Variants in RAPGEF5 observed in about 807,000 individuals in gnomAD.
The protein encoded by RAPGEF5 is M-Ras-regulated GEF.
In RAPGEF5, 65 loss-of-function variants were observed where a neutral mutation model predicts 125.2. The observed-to-expected ratio is 0.52, with a 90% CI of 0.43 to 0.64. RAPGEF5 has a LOEUF of 0.64. RAPGEF5 is among the 30% of genes least tolerant of loss of function. RAPGEF5 has a pLI of 0.00. For synonymous variants in RAPGEF5, 391 were observed against 385.9 expected, an observed-to-expected ratio of 1.01 and a Z score of -0.16; for missense variants, 958 against 1,048.1, an observed-to-expected ratio of 0.91 and a Z score of 1.19.
intron 11 of RAPGEF5, among the ~76,000 whole-genome samples, chr7:22,180,775 A>G (rs974941630): frequency 1.3e-5 from 2 of 152,156 alleles, no homozygotes; most frequent in African/African-American, 4.8e-5. Flanking sequence ...GAGTGTTAAG[A>G]ATACTTAACA....
At chr7:22,243,382 G>A (rs1005827559) in intron 7 of RAPGEF5, among the ~76,000 whole-genome samples, 2 of 152,036 alleles carry the variant, frequency 1.3e-5, no homozygotes, top group Non-Finnish European at 2.9e-5. Flanking sequence ...TCAGCCTCCC[G>A]AGTAGCTGGG....
At chr7:22,279,830 A>G (rs1782634908) in intron 6 of RAPGEF5, among the ~76,000 whole-genome samples, 1 of 152,170 alleles carries the variant, frequency 6.6e-6, no homozygotes, top group Non-Finnish European at 1.5e-5. Context: ...ATTTGTTCCT[A>G]AAGTTTAGGG....
chr7:22,353,896 T>A (rs1047663388), intron 1 of RAPGEF5, among the ~76,000 whole-genome samples: 9 of 146,876 alleles, frequency 6.1e-5, no homozygotes, highest in African/African-American at 2.2e-4. Flanking sequence ...AGACCCCCAG[T>A]CTCTAAAAGA....
At position 22,162,519 on chromosome 7, in the gene RAPGEF5, C is replaced by G. The variant is rs1784037311; in HGVS notation, c.1306G>C (p.Gly436Arg). 6.2e-7 allele frequency: 1 copy of G among 1,609,640 alleles called. No individual in the cohort carries two copies. Among genetic ancestry groups the G allele is most frequent in the East Asian group, 2.2e-5 (1 of 44,824 alleles). ...LRHYSAKKYQ[G>R]KEENSDVPRR... ...GGAACGTCTGAGTTTTCCTCTTTGCCTTGATACTTCTTAGCAGAATAGGTG... is the reference window on the plus strand; with the variant it reads ...GGAACGTCTGAGTTTTCCTCTTTGCGTTGATACTTCTTAGCAGAATAGGTG... Residue 436 changes from glycine to arginine, a missense_variant, in exon 13 of 26, where the codon GGC (glycine) becomes CGC (arginine). Transcript: ENST00000665637.
chr7:22,136,924 A>G lies in RAPGEF5; in HGVS notation c.2328+9T>C, dbSNP rs1431512106. ...TGAAGAATAAGTCCCCTTTGGCTCA[A>G]CTACTTACTGTTAAACTTTCAAGTT... On this transcript the variant is annotated intron_variant, in intron 22 of 25. Transcript: ENST00000665637. The G allele has an allele frequency of 1.9e-6, 3 of 1,568,690 alleles. No homozygotes were observed. Among genetic ancestry groups the G allele is most frequent in the Non-Finnish European group, 2.6e-6 (3 of 1,146,694 alleles).
At chr7:22,144,531 G>T (rs1783365875) in intron 20 of RAPGEF5, among the ~76,000 whole-genome samples, 1 of 152,158 alleles carries the variant, frequency 6.6e-6, no homozygotes, top group Non-Finnish European at 1.5e-5. Context: ...CTCATGGGAG[G>T]GACAGACATT....
intron 1 of RAPGEF5, among the ~76,000 whole-genome samples, chr7:22,342,529 T>C (rs927349558): frequency 6.6e-6 from 1 of 152,248 alleles, no homozygotes; most frequent in Non-Finnish European, 1.5e-5. Context: ...TTCTTTTCTA[T>C]CACATTGTCA....
rs768110720 is a variant in RAPGEF5, at chr7:22,125,590, C to T, written c.2536+14G>A. 23 of 1,604,106 alleles carry T rather than the reference C, an allele frequency of 1.4e-5. No individual in the cohort carries two copies. Among genetic ancestry groups the T allele is most frequent in the Non-Finnish European group, 2.0e-5 (23 of 1,171,084 alleles). ...GAGTCAATTTACATTCCGCACCTGA[C>T]TTCAATTACTCACCAAACTGGTTAG... On this transcript the variant is annotated intron_variant, in intron 25 of 25. Transcript: ENST00000665637.
chr7:22,349,092 GA>G (rs56081120), intron 1 of RAPGEF5, among the ~76,000 whole-genome samples: 22,879 of 120,438 alleles, frequency 0.19, 1,915 homozygotes, highest in Non-Finnish European at 0.23. Context: ...CTGCCTAAAA[GA>G]AAAAAAAAAA....
intron 1 of RAPGEF5, among the ~76,000 whole-genome samples, chr7:22,324,720 A>T (rs1783779929): frequency 1.3e-5 from 2 of 152,234 alleles, no homozygotes; most frequent in Admixed American, 1.3e-4. Flanking sequence ...CCGCCCCTCC[A>T]TAACTTCCTT....
chr7:22,242,159 G>A (rs1012520522), intron 7 of RAPGEF5, among the ~76,000 whole-genome samples: 10 of 152,314 alleles, frequency 6.6e-5, no homozygotes, highest in South Asian at 2.1e-4. Flanking sequence ...AGAGATGGCC[G>A]AGGGTAAACT....
At chr7:22,334,844 C>T (rs1562534171) in intron 1 of RAPGEF5, among the ~76,000 whole-genome samples, 1 of 152,218 alleles carries the variant, frequency 6.6e-6, no homozygotes, top group Non-Finnish European at 1.5e-5. Flanking sequence ...GTAATCTCTA[C>T]ATTCTTCCTA....
intron 5 of RAPGEF5, among the ~76,000 whole-genome samples, chr7:22,307,941 G>A (rs1783379380): frequency 6.6e-6 from 1 of 152,150 alleles, no homozygotes; most frequent in Non-Finnish European, 1.5e-5. Context: ...TTTGCCAAAT[G>A]TTGCTTCTAG....
chr7:22,193,271 C>A, intron 11 of RAPGEF5, 96 bp downstream of exon 11: 1 of 1,345,108 alleles, frequency 7.4e-7, no homozygotes, highest in Non-Finnish European at 1.0e-6. Context: ...TCTCCCCACC[C>A]CGGTTTCAGC....
chr7:22,154,427 T>G (rs1648329500), intron 17 of RAPGEF5, 28 bp downstream of exon 17: 1 of 1,610,756 alleles, frequency 6.2e-7, no homozygotes, highest in East Asian at 2.2e-5. Flanking sequence ...AGTGAAAGAT[T>G]AATATTCAAG....
intron 20 of RAPGEF5, among the ~76,000 whole-genome samples, chr7:22,140,843 G>T (rs1467629275): frequency 6.6e-5 from 10 of 152,154 alleles, no homozygotes. Context: ...AGCCAGAATA[G>T]CTGTGAATTC....
chr7:22,325,475 C>T (rs560155027), intron 1 of RAPGEF5, among the ~76,000 whole-genome samples: 1 of 152,306 alleles, frequency 6.6e-6, no homozygotes, highest in East Asian at 1.9e-4. Context: ...TCCATCCCTG[C>T]CTTAAGTGGT....
chr7:22,242,218 A>G (rs1406831535), intron 7 of RAPGEF5, among the ~76,000 whole-genome samples: 1 of 152,194 alleles, frequency 6.6e-6, no homozygotes, highest in African/African-American at 2.4e-5. Context: ...GCACACAGAG[A>G]AGACTGCCCC....
chr7:22,262,381 A>T (rs867209287), intron 7 of RAPGEF5, among the ~76,000 whole-genome samples: 1 of 152,202 alleles, frequency 6.6e-6, no homozygotes, highest in Non-Finnish European at 1.5e-5. Flanking sequence ...TACGCCTATC[A>T]GAATGGCTAA....
Sources: allele counts gnomAD v4.1 joint callset (sites outside exome capture counted in the v4.1 genomes callset), GRCh38; gene constraint gnomAD v4.1.1; transcripts MANE v1.5; gene names NCBI Gene and HGNC (gene_info 2026-07-23, HGNC 2026-07-21).